SCEL: variants seen among roughly 807,000 people sequenced by gnomAD.
SCEL encodes the protein sciellin.
A neutral mutation model predicts 117.6 loss-of-function variants in SCEL; 113 were observed. The ratio of observed to expected loss-of-function variants is 0.96; its 90% CI spans 0.83 to 1.12. SCEL has a LOEUF of 1.12. Among genes scored for constraint, SCEL ranks in the 50% most tolerant of loss-of-function variants. The probability of loss-of-function intolerance (pLI) is 0.00; values close to 1 mark genes in which losing one functional copy is unlikely to be tolerated. For missense variants in SCEL, 785 were observed against 810.8 expected (o/e 0.97, Z 0.39); for synonymous variants, 270 against 256.2 (o/e 1.05, Z -0.51).
At chr13:77,576,617 A>G (rs1280044641) in intron 9 of SCEL, among the ~76,000 whole-genome samples, 1 of 152,198 alleles carries the variant, frequency 6.6e-6, no homozygotes, top group African/African-American at 2.4e-5. Context: ...CAGAAACTCA[A>G]TGTGTTCAAA....
At chr13:77,628,986 T>A (rs769253450) in intron 28 of SCEL, among the ~76,000 whole-genome samples, 6 of 152,174 alleles carry the variant, frequency 3.9e-5, no homozygotes, top group African/African-American at 7.2e-5. Flanking sequence ...TGGGCTTACA[T>A]TTAACTAATC....
At chr13:77,561,535 A>T in intron 4 of SCEL, among the ~76,000 whole-genome samples, 1 of 152,168 alleles carries the variant, frequency 6.6e-6, no homozygotes, top group East Asian at 1.9e-4. Context: ...ATCACTTGTC[A>T]TTTTTCTGCT....
At chr13:77,562,931 C>T (rs1441785473) in intron 4 of SCEL, among the ~76,000 whole-genome samples, 1 of 152,150 alleles carries the variant, frequency 6.6e-6, no homozygotes, top group Non-Finnish European at 1.5e-5. Context: ...TTAAATGATA[C>T]TTAGAAATAC....
intron 20 of SCEL, among the ~76,000 whole-genome samples, 155 bp downstream of exon 20, chr13:77,608,270 T>G (rs2088373993): frequency 6.6e-6 from 1 of 152,218 alleles, no homozygotes; most frequent in South Asian, 2.1e-4. Context: ...CCTTGAATGC[T>G]GAGCTTCAGC....
intron 19 of SCEL, among the ~76,000 whole-genome samples, chr13:77,606,940 G>A (rs546691084): frequency 1.3e-5 from 2 of 152,294 alleles, no homozygotes; most frequent in East Asian, 1.9e-4. Context: ...ACATGTAGAT[G>A]CAGGGAGAAA....
At position 77,589,145 on chromosome 13, in the gene SCEL, G is replaced by A. The variant is rs780803909; in HGVS notation, c.547G>A (p.Glu183Lys). The A allele has an allele frequency of 1.2e-6, 2 of 1,610,838 alleles. No homozygotes were observed. Among genetic ancestry groups the A allele is most frequent in the Admixed American group, 3.3e-5 (2 of 59,896 alleles). The stretch of plus-strand genomic sequence containing the variant: ...GAACTGCTGTTTTCTGTTTTAAAGG[G>A]AACCAGGTGTTCACCCTCCAATACC... The part of the protein sequence containing the change: ...ASSSTGTRRR[E>K]PGVHPPIPPK... Residue 183 changes from glutamate to lysine, a missense_variant and splice_region_variant, in exon 10 of 33, where the codon GAA becomes AAA. Glu to Lys is a moderately conservative substitution (Grantham distance 56). Coordinates refer to ENST00000349847, the MANE Select transcript of SCEL (RefSeq NM_144777.3).
chr13:77,592,627 T>C (rs1262659631), intron 11 of SCEL, among the ~76,000 whole-genome samples: 1 of 150,292 alleles, frequency 6.7e-6, no homozygotes, highest in African/African-American at 2.5e-5. Flanking sequence ...AGAGAACTTA[T>C]AGCTCACTGC....
At chr13:77,606,905 C>T (rs186747761) in intron 19 of SCEL, among the ~76,000 whole-genome samples, 54 of 152,236 alleles carry the variant, frequency 3.5e-4, no homozygotes, top group Non-Finnish European at 8.8e-5. Flanking sequence ...GCAGCATTTA[C>T]TGCTGCTACT....
At chr13:77,626,336 G>T (rs1383435202) in intron 27 of SCEL, among the ~76,000 whole-genome samples, 1 of 152,118 alleles carries the variant, frequency 6.6e-6, no homozygotes, top group Non-Finnish European at 1.5e-5. Flanking sequence ...TACAATTCAA[G>T]GTGACATTTG....
In SCEL at chr13:77,639,879, T is replaced by C. The variant is rs943841562; in HGVS notation, c.1839-797T>C. 9.2e-5 allele frequency among the ~76,000 whole-genome samples: 14 copies of C among 152,148 alleles called. No homozygotes were observed. In the South Asian group the frequency reaches 2.9e-3, roughly 32 times the overall value. ...CTAGTATACTCTGCAGGGTGCTATT[T>C]AAGAGTGTCCTAAGACCTTAAAAAA... On this transcript the variant is annotated intron_variant, in intron 30 of 32. Transcript: ENST00000349847.
intron 30 of SCEL, among the ~76,000 whole-genome samples, chr13:77,639,565 G>A (rs1392241658): frequency 6.6e-6 from 1 of 152,188 alleles, no homozygotes; most frequent in African/African-American, 2.4e-5. Flanking sequence ...TGGACTCATT[G>A]TGTTGGTACC....
intron 11 of SCEL, among the ~76,000 whole-genome samples, chr13:77,592,023 C>T (rs891490718): frequency 1.3e-5 from 2 of 152,028 alleles, no homozygotes; most frequent in Non-Finnish European, 2.9e-5. Flanking sequence ...CTTTTTCTCC[C>T]TTTTCTAAGG....
chr13:77,564,023 G>T, intron 5 of SCEL, 124 bp downstream of exon 5: 1 of 621,772 alleles, frequency 1.6e-6, no homozygotes, highest in Non-Finnish European at 2.6e-6. Flanking sequence ...TTATTCCCAG[G>T]GATGGAGGGC....
chr13:77,637,234 A>G, intron 30 of SCEL, 40 bp downstream of exon 30: 3 of 898,512 alleles, frequency 3.3e-6, no homozygotes, highest in Non-Finnish European at 5.0e-6. Context: ...AAGTACACAC[A>G]TACAGACACA....
At chr13:77,644,175 T>G in intron 32 of SCEL, 83 bp from the exon 33 acceptor site, 7 of 1,404,654 alleles carry the variant, frequency 5.0e-6, no homozygotes, top group Non-Finnish European at 7.0e-6. Context: ...CCACTACCCG[T>G]TGGGTGAATA....
In SCEL at chr13:77,546,957, A is replaced by G. The variant is rs17067880; in HGVS notation, c.-19-8900A>G. On this transcript the variant is annotated intron_variant, in intron 1 of 32. Transcript: ENST00000349847. The stretch of plus-strand genomic sequence containing the variant: ...AAAGAGTGGGGGAGCACAAAAGGAC[A>G]TATTCTTCCCAGGGACTTCCACTTC... Among the ~76,000 whole-genome samples, 1,770 of 152,336 alleles carry G rather than the reference A, an allele frequency of 0.012. 105 individuals carry two copies. In the East Asian group the frequency reaches 0.12, roughly 10 times the overall value.
rs1223823234 is a variant in SCEL at position 77,535,786 on chromosome 13, C to T, written c.-58C>T. 6.6e-6 allele frequency: 1 copy of T among 152,192 alleles called. No individual in the cohort carries two copies. Among genetic ancestry groups the T allele is most frequent in the Non-Finnish European group, 1.5e-5 (1 of 68,032 alleles). 9.4% of individuals were successfully genotyped at this position (152,192 alleles called of 1,614,324 possible). A position where few individuals can be genotyped will look rare whatever the true frequency, so the allele number is the denominator to read the frequency against. ...GATCCTCCCAGGGAATCACTACAGG[C>T]TGGTTAGCCAAAAAGTCCTGATTTT... On this transcript the variant is annotated 5_prime_UTR_variant, in exon 1 of 33. Transcript: ENST00000349847.
At chr13:77,593,201 A>G (rs1017490951) in intron 11 of SCEL, among the ~76,000 whole-genome samples, 3 of 151,700 alleles carry the variant, frequency 2.0e-5, no homozygotes, top group Non-Finnish European at 4.4e-5. Context: ...GAGAAAATGT[A>G]GTTATTTCAG....
chr13:77,583,717 A>C (rs569143234), intron 9 of SCEL, among the ~76,000 whole-genome samples: 3 of 152,224 alleles, frequency 2.0e-5, no homozygotes, highest in Non-Finnish European at 4.4e-5. Flanking sequence ...ATAGAAAGTG[A>C]AAACAAAATT....
Sources: allele counts gnomAD v4.1 joint callset (sites outside exome capture counted in the v4.1 genomes callset), GRCh38; gene constraint gnomAD v4.1.1; transcripts MANE v1.5; gene names NCBI Gene and HGNC (gene_info 2026-07-23, HGNC 2026-07-21).